Variants in QTMAN observed in about 807,000 individuals in gnomAD.
QTMAN encodes the protein tRNA-queuosine alpha-mannosyltransferase.
the QTMAN span, among the ~76,000 whole-genome samples, chr2:144,121,322 G>T: frequency 6.6e-6 from 1 of 152,058 alleles, no homozygotes; most frequent in Non-Finnish European, 1.5e-5. Context: ...CCTCCACCTG[G>T]CAAACTTCAT....
At chr2:144,299,898 T>C in the QTMAN span, among the ~76,000 whole-genome samples, 1 of 152,240 alleles carries the variant, frequency 6.6e-6, no homozygotes, top group African/African-American at 2.4e-5. Context: ...AAATAAAATG[T>C]GGTATATGTA....
the QTMAN span, among the ~76,000 whole-genome samples, chr2:144,182,874 TATATATATATTTTATATATATATATATTA>T: frequency 1.3e-5 from 1 of 76,484 alleles, no homozygotes; most frequent in South Asian, 3.0e-4. Flanking sequence ...ATATATATAT[TATATATATATTTTATATATATATATATTA>T]TATATATATA....
At chr2:143,994,793 G>T in the QTMAN span, among the ~76,000 whole-genome samples, 3 of 152,122 alleles carry the variant, frequency 2.0e-5, no homozygotes, top group Non-Finnish European at 4.4e-5. Flanking sequence ...TGATGGAAAT[G>T]TTCTAAAACT....
chr2:144,294,896 T>A, the QTMAN span, among the ~76,000 whole-genome samples: 2 of 152,120 alleles, frequency 1.3e-5, no homozygotes, highest in African/African-American at 4.8e-5. Flanking sequence ...ACTCAAGCAG[T>A]TGGATAATCA....
the QTMAN span, among the ~76,000 whole-genome samples, chr2:144,027,941 C>G: frequency 1.5e-4 from 23 of 152,276 alleles, no homozygotes; most frequent in African/African-American, 5.1e-4. Flanking sequence ...TTTGGACTTG[C>G]TCTCGTGCTG....
At chr2:144,113,415 G>GA in the QTMAN span, among the ~76,000 whole-genome samples, 73 of 143,398 alleles carry the variant, frequency 5.1e-4, no homozygotes, top group Middle Eastern at 3.5e-3. Flanking sequence ...AACAACAGTG[G>GA]AAAAAAAAAA....
the QTMAN span, among the ~76,000 whole-genome samples, chr2:144,019,435 GGTGTGTGT>G: frequency 0.029 from 3,404 of 117,230 alleles, 117 homozygotes; most frequent in African/African-American, 0.088. Flanking sequence ...TAAGCATGCA[GGTGTGTGT>G]GTGTGTGTGT....
At chr2:144,140,744 C>T in the QTMAN span, among the ~76,000 whole-genome samples, 510 of 152,044 alleles carry the variant, frequency 3.4e-3, 4 homozygotes, top group Middle Eastern at 0.017. Context: ...AGTCATAAGG[C>T]CTAAATATTA....
chr2:143,949,011 T>C, the QTMAN span, among the ~76,000 whole-genome samples: 1 of 152,228 alleles, frequency 6.6e-6, no homozygotes, highest in Admixed American at 6.5e-5. Flanking sequence ...GATTTTATAT[T>C]TCCTTAAATT....
the QTMAN span, among the ~76,000 whole-genome samples, chr2:144,280,858 G>C: frequency 6.6e-6 from 1 of 151,338 alleles, no homozygotes; most frequent in African/African-American, 2.4e-5. Context: ...GCAGAAAAAT[G>C]CATATTAAAA....
At chr2:144,325,157 A>G in the QTMAN span, among the ~76,000 whole-genome samples, 524 of 152,368 alleles carry the variant, frequency 3.4e-3, 2 homozygotes, top group African/African-American at 0.012. Flanking sequence ...CATCTACCTC[A>G]ATCCCATATC....
the QTMAN span, among the ~76,000 whole-genome samples, chr2:144,176,052 T>C: frequency 6.6e-6 from 1 of 152,192 alleles, no homozygotes; most frequent in African/African-American, 2.4e-5. Flanking sequence ...AAAGTAAGTA[T>C]AACAAGACCA....
the QTMAN span, among the ~76,000 whole-genome samples, chr2:144,307,683 A>C: frequency 6.6e-6 from 1 of 152,260 alleles, no homozygotes; most frequent in Non-Finnish European, 1.5e-5. Context: ...AGTTCTGTAT[A>C]GAAACAATGA....
chr2:144,251,588 T>A, the QTMAN span, among the ~76,000 whole-genome samples: 2 of 151,996 alleles, frequency 1.3e-5, no homozygotes, highest in Admixed American at 6.6e-5. Flanking sequence ...TCAAAATAGA[T>A]CATAAACCTA....
At chr2:144,290,216 C>T in the QTMAN span, among the ~76,000 whole-genome samples, 2 of 152,080 alleles carry the variant, frequency 1.3e-5, no homozygotes, top group Non-Finnish European at 2.9e-5. Context: ...GAGGGTCCTG[C>T]TCTATTCAGG....
chr2:144,095,013 T>C, the QTMAN span, among the ~76,000 whole-genome samples: 5 of 152,194 alleles, frequency 3.3e-5, no homozygotes. Context: ...ATGCTGTGCA[T>C]GTGGCTTTCC....
chr2:144,056,494 T>C, the QTMAN span, among the ~76,000 whole-genome samples: 1 of 152,206 alleles, frequency 6.6e-6, no homozygotes, highest in East Asian at 1.9e-4. Flanking sequence ...CTGTACTTGT[T>C]TGTCATCTGT....
the QTMAN span, among the ~76,000 whole-genome samples, chr2:144,210,678 T>C: frequency 6.6e-6 from 1 of 152,148 alleles, no homozygotes; most frequent in South Asian, 2.1e-4. Context: ...AGACACCCTC[T>C]AGGTTCAACA....
the QTMAN span, among the ~76,000 whole-genome samples, chr2:144,045,869 T>C: frequency 6.6e-6 from 1 of 152,212 alleles, no homozygotes; most frequent in East Asian, 1.9e-4. Flanking sequence ...AGGGGGTTTT[T>C]GTCATGTTAG....
Sources: allele counts gnomAD v4.1 joint callset (sites outside exome capture counted in the v4.1 genomes callset), GRCh38; gene constraint gnomAD v4.1.1; transcripts MANE v1.5; gene names NCBI Gene and HGNC (gene_info 2026-07-23, HGNC 2026-07-21).